Variants in DCLK1 observed in about 807,000 individuals in gnomAD.
DCLK1 encodes the protein doublecortin like kinase 1.
DCLK1 carries 16 observed loss-of-function variants against 86.2 expected under a neutral mutation model. That is an observed-to-expected ratio of 0.19 (90% CI 0.13 to 0.28). DCLK1 has a LOEUF of 0.28. Among genes scored for constraint, DCLK1 ranks in the 10% least tolerant of loss-of-function variants. DCLK1 has a pLI of 1.00. For synonymous variants in DCLK1, 369 were observed against 370.5 expected, an observed-to-expected ratio of 1.00 and a Z score of 0.05; for missense variants, 590 against 940.2, an observed-to-expected ratio of 0.63 and a Z score of 4.87.
chr13:35,836,385 C>T (rs1869382453), intron 7 of DCLK1, among the ~76,000 whole-genome samples: 1 of 152,144 alleles, frequency 6.6e-6, no homozygotes, highest in Admixed American at 6.5e-5. Context: ...ATAAGAGAAA[C>T]TTGAGTTTTC....
chr13:35,974,443 C>G (rs959708767), intron 3 of DCLK1, among the ~76,000 whole-genome samples: 17 of 152,184 alleles, frequency 1.1e-4, no homozygotes, highest in African/African-American at 3.9e-4. Flanking sequence ...TGATTTAGCT[C>G]TATGTCCCCA....
At chr13:35,986,529 G>C (rs1296043208) in intron 3 of DCLK1, among the ~76,000 whole-genome samples, 1 of 152,070 alleles carries the variant, frequency 6.6e-6, no homozygotes, top group Non-Finnish European at 1.5e-5. Flanking sequence ...TGAGTAGCCA[G>C]CTAAATAATG....
At chr13:36,091,955 G>T (rs531595248) in intron 3 of DCLK1, among the ~76,000 whole-genome samples, 16 of 152,172 alleles carry the variant, frequency 1.1e-4, no homozygotes, top group Non-Finnish European at 2.1e-4. Context: ...CTAGCCCAGG[G>T]CAATGTTCTA....
chr13:35,950,510 T>TA (rs1452713237), intron 3 of DCLK1, among the ~76,000 whole-genome samples: 1 of 152,236 alleles, frequency 6.6e-6, no homozygotes, highest in Non-Finnish European at 1.5e-5. Context: ...TATGCAGTGT[T>TA]ACTCCTTTTG....
At chr13:36,108,695 AT>A (rs1263370309) in intron 3 of DCLK1, among the ~76,000 whole-genome samples, 3 of 152,218 alleles carry the variant, frequency 2.0e-5, no homozygotes, top group Non-Finnish European at 2.9e-5. Flanking sequence ...CAAGCAATTC[AT>A]TTTTTAAACA....
At chr13:36,091,598 AT>A in intron 3 of DCLK1, among the ~76,000 whole-genome samples, 1 of 152,302 alleles carries the variant, frequency 6.6e-6, no homozygotes, top group East Asian at 1.9e-4. Flanking sequence ...TTCTCTATAC[AT>A]TTATAAAGTT....
chr13:36,007,575 G>A (rs977561562), intron 3 of DCLK1, among the ~76,000 whole-genome samples: 2 of 152,122 alleles, frequency 1.3e-5, no homozygotes, highest in Non-Finnish European at 2.9e-5. Context: ...CAAACAGGAA[G>A]GCAGATGAAC....
chr13:35,849,012 T>C (rs554318778), intron 6 of DCLK1: 1 of 985,318 alleles, frequency 1.0e-6, no homozygotes, highest in East Asian at 1.1e-4. Flanking sequence ...TTATGAACTG[T>C]TCTTTCAAGA....
intron 3 of DCLK1, among the ~76,000 whole-genome samples, chr13:35,993,720 A>AT (rs1432558893): frequency 1.3e-5 from 2 of 151,970 alleles, no homozygotes; most frequent in Non-Finnish European, 2.9e-5. Context: ...ATTAGTTAAC[A>AT]TTTTTTTGAT....
chr13:36,022,610 T>C (rs1024243570), intron 3 of DCLK1, among the ~76,000 whole-genome samples: 1 of 152,000 alleles, frequency 6.6e-6, no homozygotes, highest in African/African-American at 2.4e-5. Context: ...TGCAGAAATA[T>C]AAAGGATTAA....
intron 3 of DCLK1, among the ~76,000 whole-genome samples, chr13:35,951,526 A>G (rs944063496): frequency 3.3e-4 from 50 of 149,418 alleles, no homozygotes; most frequent in African/African-American, 1.2e-3. Flanking sequence ...TTCTCTATCC[A>G]CTCTAATCCA....
chr13:36,074,290 C>T (rs918664417), intron 3 of DCLK1, among the ~76,000 whole-genome samples: 2 of 151,806 alleles, frequency 1.3e-5, no homozygotes, highest in Non-Finnish European at 2.9e-5. Context: ...ATCGCGAGGT[C>T]AGGAGATCGA....
chr13:35,826,931 G>T (rs770054734), intron 10 of DCLK1, among the ~76,000 whole-genome samples: 2 of 152,090 alleles, frequency 1.3e-5, no homozygotes, highest in Non-Finnish European at 2.9e-5. Context: ...TACTAGAAAA[G>T]ACTTGAGAAC....
At chr13:35,981,227 G>T (rs565479463) in intron 3 of DCLK1, among the ~76,000 whole-genome samples, 8 of 146,276 alleles carry the variant, frequency 5.5e-5, no homozygotes, top group South Asian at 2.2e-4. Context: ...AAAGTGTTTT[G>T]TTTTTTTTTT....
At position 36,125,895 on chromosome 13, in the gene DCLK1, G is replaced by C; in HGVS notation, c.243C>G (p.Phe81Leu). 1 of 1,614,208 alleles carries C rather than the reference G, an allele frequency of 6.2e-7. No individual in the cohort carries two copies. Among genetic ancestry groups the C allele is most frequent in the Non-Finnish European group, 8.5e-7 (1 of 1,180,048 alleles). ...CAGCCAGCAGGGCCTCAAAAGATCGGAACCGGTCTGGGGAGATGGCATACA... is the reference window on the plus strand; with the variant it reads ...CAGCCAGCAGGGCCTCAAAAGATCGCAACCGGTCTGGGGAGATGGCATACA... ...GIVYAISPDR[F>L]RSFEALLADL... The change falls in exon 2 of 17, where the codon TTC becomes TTG. Residue 81 changes from phenylalanine (F) to leucine (L), a missense_variant. By Grantham distance (22) the Phe-to-Leu change is conservative (BLOSUM62 0). This residue lies in a region of DCLK1 where 195 missense variants were observed against 365.1 expected (regional missense o/e 0.53). Coordinates refer to ENST00000360631, the MANE Select transcript of DCLK1 (RefSeq NM_001330071.2).
At chr13:35,974,707 T>C (rs568259741) in intron 3 of DCLK1, among the ~76,000 whole-genome samples, 1 of 152,268 alleles carries the variant, frequency 6.6e-6, no homozygotes, top group South Asian at 2.1e-4. Context: ...CAGAAGCTTG[T>C]ACAGCTCACA....
chr13:35,929,710 T>C lies in DCLK1; in HGVS notation c.823+17648A>G, dbSNP rs553077113. Among the ~76,000 whole-genome samples, 44 of 152,336 alleles carry C rather than the reference T, an allele frequency of 2.9e-4. 1 individual carries two copies. In the Middle Eastern group the frequency reaches 0.014, roughly 47 times the overall value. On this transcript the variant is annotated intron_variant, in intron 4 of 16. Transcript: ENST00000360631. Reference sequence around the variant, plus strand: ...GCACTGCCACTTTTCTTCAGCTGTGTCCTCTGATTATTTGACTAGGAGTGA... The same window carrying C: ...GCACTGCCACTTTTCTTCAGCTGTGCCCTCTGATTATTTGACTAGGAGTGA...
In DCLK1 at chr13:35,772,699, G is replaced by A. The variant is rs2086355955; in HGVS notation, c.*1836C>T. On this transcript the variant is annotated 3_prime_UTR_variant, in exon 17 of 17. Transcript: ENST00000360631. ...GGAAAAAAACCTCAATAAACGATAT[G>A]CTTTTTACATGTCAGGACAACACAG... 1 of 151,758 alleles carries A rather than the reference G, an allele frequency of 6.6e-6. No individual in the cohort carries two copies. Among genetic ancestry groups the A allele is most frequent in the Admixed American group, 6.6e-5 (1 of 15,212 alleles). The allele number at this position is 151,758 out of a possible 1,614,324, so 9.4% of individuals were successfully genotyped here.
At chr13:35,928,358 T>C (rs1236755928) in intron 4 of DCLK1, among the ~76,000 whole-genome samples, 1 of 152,154 alleles carries the variant, frequency 6.6e-6, no homozygotes, top group Non-Finnish European at 1.5e-5. Context: ...CCCTCTCACC[T>C]CAGGCCCTCT....
Sources: allele counts gnomAD v4.1 joint callset (sites outside exome capture counted in the v4.1 genomes callset), GRCh38; gene constraint gnomAD v4.1.1; regional missense constraint gnomAD v4.1.1; transcripts MANE v1.5; gene names NCBI Gene and HGNC (gene_info 2026-07-23, HGNC 2026-07-21).